Variants in PRX observed in about 807,000 individuals in gnomAD.
PRX encodes periaxin.
PRX carries 24 observed loss-of-function variants against 29.6 expected under a neutral mutation model. That is an observed-to-expected ratio of 0.81 (90% CI 0.59 to 1.14). The LOEUF (loss-of-function observed/expected upper bound fraction) is 1.14, where lower values mean the gene tolerates loss of function less well. Among genes scored for constraint, PRX ranks in the 50% most tolerant of loss-of-function variants. The pLI, the probability that PRX is intolerant of heterozygous loss-of-function variation, is 0.00. For synonymous variants in PRX, 772 were observed against 831.7 expected (o/e 0.93, Z 1.24); for missense variants, 1,838 against 1,926.4 (o/e 0.95, Z 0.86).
intron 1 of PRX, among the ~76,000 whole-genome samples, chr19:40,412,667 C>T (rs1006999015): frequency 5.3e-5 from 8 of 152,110 alleles, no homozygotes; most frequent in Non-Finnish European, 1.2e-4. Flanking sequence ...GCCTCCCTAG[C>T]ACCCTACTCC....
At chr19:40,408,924 G>C (rs894302196) in intron 1 of PRX, among the ~76,000 whole-genome samples, 1 of 152,042 alleles carries the variant, frequency 6.6e-6, no homozygotes, top group African/African-American at 2.4e-5. Flanking sequence ...TCCAACTCCT[G>C]GGTTCAAGTG....
At chr19:40,404,241 T>C (rs1176441836) in intron 4 of PRX, among the ~76,000 whole-genome samples, 2 of 152,052 alleles carry the variant, frequency 1.3e-5, no homozygotes, top group African/African-American at 4.8e-5. Flanking sequence ...CGCGGAACGG[T>C]TAAACAGCTC....
In PRX at chr19:40,394,499, C is replaced by G; in HGVS notation, c.3853G>C (p.Gly1285Arg). ...ACCTGGTACTCGGCATGGTTGCCCC[C>G]GGATGGCGAGAGCTCCACGTCGGGC... Reference protein sequence around the residue: ...SLPDVELSPSGGNHAEYQVAE... With the variant: ...SLPDVELSPSRGNHAEYQVAE... The change falls in exon 7 of 7, where the codon GGG (glycine) becomes CGG (arginine). Residue 1285 changes from glycine (G) to arginine (R), a missense_variant. Gly to Arg is a moderately radical substitution (Grantham distance 125, BLOSUM62 -2). Coordinates refer to ENST00000324001, the MANE Select transcript of PRX (RefSeq NM_181882.3). The surrounding 1 kb of genome is among the most constrained non-coding windows in gnomAD (Gnocchi z 5.8). 6.3e-7 allele frequency: 1 copy of G among 1,599,176 alleles called. No individual in the cohort carries two copies. Among genetic ancestry groups the G allele is most frequent in the Non-Finnish European group, 8.5e-7 (1 of 1,173,614 alleles).
chr19:40,398,595 C>T lies in PRX; in HGVS notation c.381+25G>A. ...ACCGGATCGCTGGGGCAGTCCAGGGCCGGGGCCGGGCTAAGCACGCGTACC... is the reference window on the plus strand; with the variant it reads ...ACCGGATCGCTGGGGCAGTCCAGGGTCGGGGCCGGGCTAAGCACGCGTACC... On this transcript the variant is annotated intron_variant, in intron 6 of 6. Transcript: ENST00000324001. The surrounding 1 kb of genome is among the most constrained non-coding windows in gnomAD (Gnocchi z 6.3). The T allele has an allele frequency of 6.2e-7, 1 of 1,611,708 alleles. No individual in the cohort carries two copies. Among genetic ancestry groups the T allele is most frequent in the South Asian group, 1.1e-5 (1 of 91,002 alleles).
chr19:40,406,683 T>G (rs2079532134), intron 4 of PRX, among the ~76,000 whole-genome samples: 1 of 151,970 alleles, frequency 6.6e-6, no homozygotes. Flanking sequence ...TGACAGCAGC[T>G]GTCATTCAAA....
At chr19:40,413,910 A>C (rs76110311), upstream of PRX, among the ~76,000 whole-genome samples, 1 of 152,174 alleles carries the variant, frequency 6.6e-6, no homozygotes, top group Non-Finnish European at 1.5e-5. Context: ...AGGGTTACTA[A>C]TAAGTATTTG....
chr19:40,397,352 C>T lies in PRX; in HGVS notation c.1000G>A (p.Gly334Arg), dbSNP rs976653764. Residue 334 changes from glycine (G) to arginine (R), a missense_variant, in exon 7 of 7, where the codon GGG becomes AGG. This residue lies in a region of PRX where 666 missense variants were observed against 665.0 expected (regional missense o/e 1.00). Coordinates refer to ENST00000324001, the MANE Select transcript of PRX (RefSeq NM_181882.3). ...GCACCCGGCAAGGCCAGGTCCACCC[C>T]CACAGTCGGTGCTGCCACATCCAGG... ...PTLDVAAPTV[G>R]VDLALPGAEV... The T allele has an allele frequency of 6.2e-7, 1 of 1,612,976 alleles. No homozygotes were observed. Among genetic ancestry groups the T allele is most frequent in the Admixed American group, 1.7e-5 (1 of 60,028 alleles).
rs771496284 is a variant in PRX, at chr19:40,397,044, C to T, written c.1308G>A (p.Val436=). The change falls in exon 7 of 7, where the codon GTG becomes GTA. Residue 436 remains valine, a synonymous_variant. Transcript: ENST00000324001. ...GIGVSGPEVK[V]PKGPEVKLPK... Reference sequence around the variant, plus strand: ...GGAGCTTCACTTCAGGTCCCTTGGGCACCTTGACCTCGGGCCCTGACACTC... The same window carrying T: ...GGAGCTTCACTTCAGGTCCCTTGGGTACCTTGACCTCGGGCCCTGACACTC... 16 of 1,614,004 alleles carry T rather than the reference C, an allele frequency of 9.9e-6. No individual in the cohort carries two copies. The Admixed American group carries it at 2.0e-4, about 20-fold the overall frequency.
At chr19:40,405,938 CT>C (rs1276538423) in intron 4 of PRX, among the ~76,000 whole-genome samples, 267 of 143,562 alleles carry the variant, frequency 1.9e-3, no homozygotes, top group Admixed American at 2.4e-3. Context: ...CGCCCGGCCT[CT>C]TTTTTTTTTT....
rs752587372 is a variant in PRX, at chr19:40,396,237, G to A, written c.2115C>T (p.His705=). The part of the protein sequence containing the change: ...KVPEMAVPDV[H]LPEVQLPKVC... The stretch of plus-strand genomic sequence containing the variant: ...CTTTGGGCAGCTGCACCTCTGGGAG[G>A]TGCACATCGGGCACGGCCATTTCAG... The change falls in exon 7 of 7, where the codon CAC becomes CAT. Residue 705 remains histidine, a synonymous_variant. Transcript: ENST00000324001. 2.5e-6 allele frequency: 4 copies of A among 1,612,660 alleles called. No homozygotes were observed. In the Admixed American group the frequency reaches 5.0e-5, roughly 20 times the overall value.
intron 5 of PRX, among the ~76,000 whole-genome samples, chr19:40,402,720 A>C (rs2079504168): frequency 1.4e-5 from 2 of 146,002 alleles, no homozygotes; most frequent in South Asian, 4.3e-4. Context: ...GCTTGCAGTG[A>C]GCCGAGATTG....
rs369949312 is a variant in PRX at position 40,394,003 on chromosome 19, G to A, written c.4349C>T (p.Pro1450Leu). 39 of 1,613,274 alleles carry A rather than the reference G, an allele frequency of 2.4e-5. No homozygotes were observed. The highest frequency in any genetic ancestry group is 3.3e-5 in the Admixed American group (2 of 59,964). The change falls in exon 7 of 7, where the codon CCG becomes CTG. Residue 1450 changes from proline (P) to leucine (L), a missense_variant. Coordinates refer to ENST00000324001, the MANE Select transcript of PRX (RefSeq NM_181882.3). This position sits in a 1 kb window ranked among gnomAD's most constrained non-coding sequence, Gnocchi z 5.8. ...VGFSETGAPG[P>L]ARMEGAQAAA... The stretch of plus-strand genomic sequence containing the variant: ...AGCCTGAGCCCCCTCCATCCTGGCC[G>A]GGCCTGGAGCCCCTGTCTCTGAAAA...
intron 4 of PRX, among the ~76,000 whole-genome samples, chr19:40,405,223 T>C (rs933346937): frequency 7.9e-5 from 12 of 152,118 alleles, no homozygotes; most frequent in African/African-American, 2.7e-4. Flanking sequence ...CACTATGGGA[T>C]TCACAATAGG....
rs1296278849 is a variant in PRX at position 40,407,956 on chromosome 19, C to T, written c.-24G>A. The T allele has an allele frequency of 1.2e-6, 2 of 1,613,546 alleles. No individual in the cohort carries two copies. The highest frequency in any genetic ancestry group is 1.7e-6 in the Non-Finnish European group (2 of 1,180,016). ...ATGGCGTTGCTGGGAGGCACCTGCA[C>T]CCCAGGCTCCTGTGTCCTCTCCCCT... On this transcript the variant is annotated 5_prime_UTR_variant, in exon 4 of 7. It adds an upstream start codon to the 5' untranslated region. Coordinates refer to ENST00000324001, the MANE Select transcript of PRX (RefSeq NM_181882.3).
rs2079465680 is a variant in PRX at position 40,398,679 on chromosome 19, G to A, written c.322C>T (p.Arg108Trp). 3.1e-6 allele frequency: 5 copies of A among 1,613,852 alleles called. No homozygotes were observed. The highest frequency in any genetic ancestry group is 1.7e-5 in the Admixed American group (1 of 59,994). The change falls in exon 6 of 7, where the codon CGG becomes TGG. Residue 108 changes from arginine (R) to tryptophan (W), a missense_variant. Arg to Trp is a moderately radical substitution (Grantham distance 101, BLOSUM62 -3). Transcript: ENST00000324001. The surrounding 1 kb of genome is among the most constrained non-coding windows in gnomAD (Gnocchi z 6.3). ...RTVPTGDLAL[R>W]PGTVSGYEIK... The stretch of plus-strand genomic sequence containing the variant: ...TCGTAGCCAGACACGGTCCCGGGCC[G>A]CAGAGCCAGGTCCCCGGTGGGCACA...
At position 40,396,260 on chromosome 19, in the gene PRX, C is replaced by T. The variant is rs940007183; in HGVS notation, c.2092G>A (p.Glu698Lys). 1 of 1,613,864 alleles carries T rather than the reference C, an allele frequency of 6.2e-7. No individual in the cohort carries two copies. The highest frequency in any genetic ancestry group is 1.7e-4 in the Middle Eastern group (1 of 6,060). The change falls in exon 7 of 7, where the codon GAA becomes AAA. Residue 698 changes from glutamate to lysine, a missense_variant. Glu to Lys is a moderately conservative substitution (Grantham distance 56). This residue lies in a region of PRX where 1,143 missense variants were observed against 1,193.0 expected (regional missense o/e 0.96). Coordinates refer to ENST00000324001, the MANE Select transcript of PRX (RefSeq NM_181882.3). The part of the protein sequence containing the change: ...VSEMKLPKVP[E>K]MAVPDVHLPE... ...AGGTGCACATCGGGCACGGCCATTT[C>T]AGGCACCTTGGGGAGTTTCATCTCT...
At chr19:40,412,953 C>G (rs770096720) in intron 1 of PRX, among the ~76,000 whole-genome samples, 1 of 152,166 alleles carries the variant, frequency 6.6e-6, no homozygotes, top group Admixed American at 6.5e-5. Context: ...TCTCGAACTC[C>G]TGGGCTTAAG....
Position 40,397,303 on chromosome 19 carries a change from G to A in PRX, c.1049C>T (p.Ala350Val). 1 of 1,613,318 alleles carries A rather than the reference G, an allele frequency of 6.2e-7. No individual in the cohort carries two copies. Among genetic ancestry groups the A allele is most frequent in the Non-Finnish European group, 8.5e-7 (1 of 1,179,998 alleles). The change falls in exon 7 of 7, where the codon GCA becomes GTA. Residue 350 changes from alanine to valine, a missense_variant. Ala to Val is a moderately conservative substitution (Grantham distance 64). This residue lies in a region of PRX where 666 missense variants were observed against 665.0 expected (regional missense o/e 1.00). Coordinates refer to ENST00000324001, the MANE Select transcript of PRX (RefSeq NM_181882.3). ...PGAEVEARGE[A>V]PEVALKMPRL... ...GGGCATCTTCAGGGCCACCTCAGGT[G>A]CCTCTCCCCGGGCCTCCACCTCTGC... is the stretch of plus-strand genomic sequence containing the variant.
Position 40,398,221 on chromosome 19 carries a change from G to A in PRX, c.382-251C>T, listed in dbSNP as rs188571257. ...ACCCAAGACTTCTAGATCCTGATCCGGGATTTTCCCCAACATCCTCATTCT... is the reference window on the plus strand; with the variant it reads ...ACCCAAGACTTCTAGATCCTGATCCAGGATTTTCCCCAACATCCTCATTCT... On this transcript the variant is annotated intron_variant, in intron 6 of 6. Coordinates refer to ENST00000324001, the MANE Select transcript of PRX (RefSeq NM_181882.3). The surrounding 1 kb of genome is among the most constrained non-coding windows in gnomAD (Gnocchi z 6.3). 2.2e-3 allele frequency: 3,117 copies of A among 1,415,882 alleles called. 5 individuals carry two copies. Among genetic ancestry groups the A allele is most frequent in the Non-Finnish European group, 2.4e-3 (2,657 of 1,090,782 alleles). 87.7% of individuals were successfully genotyped at this position (1,415,882 alleles called of 1,614,324 possible).
Sources: gnomAD v4.1 joint callset for allele counts (sites outside exome capture counted in the v4.1 genomes callset) on GRCh38, gnomAD v4.1.1 for gene constraint, gnomAD v4.1.1 regional missense constraint, Gnocchi (gnomAD v3.1) non-coding constraint, MANE v1.5 for transcripts, NCBI Gene and HGNC (gene_info 2026-07-23, HGNC 2026-07-21) for gene names.